Variants in NTM observed in about 807,000 individuals in gnomAD.
NTM encodes the protein neurotrimin.
Under a neutral mutation model 42.1 loss-of-function variants are expected in NTM, and 13 were observed. The ratio of observed to expected loss-of-function variants is 0.31; its 90% CI spans 0.20 to 0.49. NTM has a LOEUF of 0.49. NTM is among the 20% of genes least tolerant of loss of function. The probability of loss-of-function intolerance (pLI) is 0.99; values close to 1 mark genes in which losing one functional copy is unlikely to be tolerated. For synonymous variants in NTM, 187 were observed against 179.2 expected, an observed-to-expected ratio of 1.04 and a Z score of -0.35; for missense variants, 373 against 452.8, an observed-to-expected ratio of 0.82 and a Z score of 1.60.
intron 1 of NTM, chr11:131,771,149 C>G (rs547818284): frequency 6.6e-6 from 1 of 152,280 alleles, no homozygotes; most frequent in South Asian, 2.1e-4. Flanking sequence ...AAAATATAGT[C>G]TCCTGATCCA....
intron 1 of NTM, among the ~76,000 whole-genome samples, chr11:131,829,415 C>T (rs2042534534): frequency 1.3e-5 from 2 of 152,118 alleles, no homozygotes; most frequent in South Asian, 4.1e-4. Context: ...GTTTAGGTGT[C>T]ACTTATAAGT....
intron 2 of NTM, among the ~76,000 whole-genome samples, chr11:132,114,770 GT>G (rs1443051019): frequency 2.6e-5 from 4 of 152,166 alleles, no homozygotes; most frequent in Non-Finnish European, 4.4e-5. Context: ...CTGGTTCCAG[GT>G]CACACAGTAT....
At chr11:131,378,652 C>T (rs545294404) in intron 1 of NTM, among the ~76,000 whole-genome samples, 1 of 152,256 alleles carries the variant, frequency 6.6e-6, no homozygotes, top group South Asian at 2.1e-4. Context: ...TTGATCAATT[C>T]CTAAGCCTTC....
At chr11:132,111,777 A>G (rs151180576) in intron 2 of NTM, among the ~76,000 whole-genome samples, 1,755 of 152,362 alleles carry the variant, frequency 0.012, 35 homozygotes, top group African/African-American at 0.04. Flanking sequence ...CAATAGGTAA[A>G]ATAGAATACG....
At chr11:131,853,106 T>C (rs2045753126) in intron 1 of NTM, among the ~76,000 whole-genome samples, 1 of 149,860 alleles carries the variant, frequency 6.7e-6, no homozygotes, top group Non-Finnish European at 1.5e-5. Flanking sequence ...CAAACATCTT[T>C]AGAGTACCTA....
At chr11:131,941,465 C>G (rs1309495941) in intron 2 of NTM, among the ~76,000 whole-genome samples, 1 of 152,186 alleles carries the variant, frequency 6.6e-6, no homozygotes, top group East Asian at 1.9e-4. Context: ...TACTTAGCTC[C>G]TTACTTCTGT....
chr11:132,113,564 C>G lies in NTM; in HGVS notation c.168-32718C>G, dbSNP rs573439558. On this transcript the variant is annotated intron_variant, in intron 2 of 8. Coordinates refer to ENST00000683400, the MANE Select transcript of NTM (RefSeq NM_001352005.2). ...CTCTCGCCGCACCCGCTTCATCAACCTGGATCCCCATGAGCTCTGATTGAA... is the reference window on the plus strand; with the variant it reads ...CTCTCGCCGCACCCGCTTCATCAACGTGGATCCCCATGAGCTCTGATTGAA... Among the ~76,000 whole-genome samples, 181 of 152,334 alleles carry G rather than the reference C, an allele frequency of 1.2e-3. 2 individuals are homozygous for G. The highest frequency in any genetic ancestry group is 4.3e-3 in the African/African-American group (177 of 41,574).
intron 4 of NTM, among the ~76,000 whole-genome samples, chr11:132,239,766 T>TTCCAAAATCCAAAA (rs2089829029): frequency 6.6e-6 from 1 of 152,252 alleles, no homozygotes; most frequent in Non-Finnish European, 1.5e-5. Context: ...ATGTGTGATG[T>TTCCAAAATCCAAAA]GTTTCATCCT....
intron 1 of NTM, among the ~76,000 whole-genome samples, chr11:131,436,694 C>G (rs1949164743): frequency 6.6e-6 from 1 of 152,028 alleles, no homozygotes; most frequent in Non-Finnish European, 1.5e-5. Context: ...ATTAGTCTTG[C>G]TAGCAGTCTA....
intron 1 of NTM, among the ~76,000 whole-genome samples, chr11:131,744,443 A>C (rs1219896900): frequency 6.6e-6 from 1 of 152,160 alleles, no homozygotes; most frequent in Non-Finnish European, 1.5e-5. Context: ...GTTAATAAAA[A>C]CATAAAAGGA....
chr11:132,134,869 C>T (rs373367962), intron 2 of NTM, among the ~76,000 whole-genome samples: 3 of 150,664 alleles, frequency 2.0e-5, no homozygotes, highest in East Asian at 2.0e-4. Context: ...GTATCTTTTT[C>T]GTATTATATA....
At chr11:131,714,878 TTA>T (rs60929907) in intron 1 of NTM, among the ~76,000 whole-genome samples, 3,954 of 152,314 alleles carry the variant, frequency 0.026, 163 homozygotes, top group African/African-American at 0.086. Context: ...AAACAAGGCA[TTA>T]TATGGTTTGA....
chr11:131,673,752 T>G (rs530418725), intron 1 of NTM, among the ~76,000 whole-genome samples: 128 of 152,256 alleles, frequency 8.4e-4, no homozygotes, highest in South Asian at 3.7e-3. Flanking sequence ...ATGGCAGCCC[T>G]CCACTCTCTC....
At chr11:131,798,031 T>C (rs2091761472) in intron 1 of NTM, among the ~76,000 whole-genome samples, 1 of 152,242 alleles carries the variant, frequency 6.6e-6, no homozygotes, top group Admixed American at 6.5e-5. Flanking sequence ...AATGGTCTAA[T>C]GCCCTTTGGG....
intron 1 of NTM, among the ~76,000 whole-genome samples, chr11:131,807,398 C>T (rs2092554567): frequency 6.6e-6 from 1 of 152,074 alleles, no homozygotes; most frequent in Non-Finnish European, 1.5e-5. Flanking sequence ...AAAGCTTTCT[C>T]CAAATAGGAA....
At chr11:131,921,557 A>G (rs976321386) in intron 2 of NTM, among the ~76,000 whole-genome samples, 7 of 152,206 alleles carry the variant, frequency 4.6e-5, no homozygotes, top group Non-Finnish European at 8.8e-5. Flanking sequence ...TTTTGATACT[A>G]TATTATGACA....
intron 1 of NTM, among the ~76,000 whole-genome samples, chr11:131,721,045 A>T (rs2078268943): frequency 6.6e-6 from 1 of 152,086 alleles, no homozygotes; most frequent in Admixed American, 6.5e-5. Flanking sequence ...CCTATGAAAA[A>T]CTATTGCACA....
intron 1 of NTM, among the ~76,000 whole-genome samples, chr11:131,393,177 G>C (rs1021209286): frequency 6.6e-6 from 1 of 152,138 alleles, no homozygotes; most frequent in African/African-American, 2.4e-5. Flanking sequence ...CTGAGCCCAG[G>C]GACCTCACGG....
intron 4 of NTM, among the ~76,000 whole-genome samples, chr11:132,255,648 C>G (rs577721033): frequency 3.9e-5 from 6 of 152,322 alleles, no homozygotes; most frequent in African/African-American, 1.4e-4. Context: ...GGTAAGCCAG[C>G]AAATAGACTC....
Sources: gnomAD v4.1 joint callset for allele counts (sites outside exome capture counted in the v4.1 genomes callset) on GRCh38, gnomAD v4.1.1 for gene constraint, MANE v1.5 for transcripts, NCBI Gene and HGNC (gene_info 2026-07-23, HGNC 2026-07-21) for gene names.